NRG3: variants seen among roughly 807,000 people sequenced by gnomAD.
The protein encoded by NRG3 is pro-neuregulin-3, membrane-bound isoform.
NRG3 carries 31 observed loss-of-function variants against 66.9 expected under a neutral mutation model. The observed-to-expected ratio is 0.46, with a 90% CI of 0.35 to 0.63. NRG3 has a LOEUF of 0.63. Among genes scored for constraint, NRG3 ranks in the 20% least tolerant of loss-of-function variants. NRG3 has a pLI of 0.00. For missense variants in NRG3, 910 were observed against 878.9 expected (o/e 1.04, Z -0.45); for synonymous variants, 393 against 359.4 (o/e 1.09, Z -1.06).
chr10:82,642,919 G>A (rs1294201657), intron 2 of NRG3, among the ~76,000 whole-genome samples: 1 of 151,628 alleles, frequency 6.6e-6, no homozygotes, highest in African/African-American at 2.4e-5. Context: ...TATTTAAAAG[G>A]ATATTTGTCT....
intron 2 of NRG3, among the ~76,000 whole-genome samples, chr10:82,636,254 T>C (rs80089320): frequency 1.1e-4 from 16 of 152,016 alleles, no homozygotes; most frequent in African/African-American, 3.6e-4. Flanking sequence ...TGTGTGTGTG[T>C]GTGTGTAAAT....
intron 2 of NRG3, among the ~76,000 whole-genome samples, chr10:82,500,269 C>A (rs1844042415): frequency 6.6e-6 from 1 of 152,128 alleles, no homozygotes; most frequent in African/African-American, 2.4e-5. Context: ...TTAATGATTA[C>A]TGGCTCCATT....
intron 3 of NRG3, among the ~76,000 whole-genome samples, chr10:82,844,825 A>G (rs1184226341): frequency 6.6e-6 from 1 of 152,174 alleles, no homozygotes; most frequent in Non-Finnish European, 1.5e-5. Context: ...CTTTGCTTCT[A>G]TTTCTCAAAT....
intron 1 of NRG3, among the ~76,000 whole-genome samples, chr10:82,049,560 AAG>A (rs1418837785): frequency 3.3e-5 from 5 of 150,394 alleles, no homozygotes; most frequent in Admixed American, 6.6e-5. Context: ...ACTGTTCCCC[AAG>A]ACTTTATGTT....
Position 82,389,784 on chromosome 10 carries a change from A to G in NRG3, c.953+30916A>G, listed in dbSNP as rs2086232068. 2.6e-5 allele frequency among the ~76,000 whole-genome samples: 4 copies of G among 152,218 alleles called. No individual in the cohort carries two copies. The South Asian group carries it at 8.3e-4, about 32-fold the overall frequency. ...AAATAGATTCAAAAAAGTTTCCATT[A>G]TGTACCAGAACAATAGCTGGTCTTA... On this transcript the variant is annotated intron_variant, in intron 2 of 8. Transcript: ENST00000372141.
intron 2 of NRG3, among the ~76,000 whole-genome samples, chr10:82,377,520 C>T (rs748733698): frequency 1.1e-4 from 17 of 151,986 alleles, no homozygotes; most frequent in Non-Finnish European, 2.2e-4. Flanking sequence ...ACATAATACT[C>T]AAGTTCTGGG....
intron 2 of NRG3, among the ~76,000 whole-genome samples, chr10:82,734,007 C>T (rs1591353978): frequency 6.6e-6 from 1 of 152,206 alleles, no homozygotes; most frequent in African/African-American, 2.4e-5. Flanking sequence ...AAGTGAGTGA[C>T]CTGACCATTT....
chr10:82,973,124 G>A (rs1388949721), intron 6 of NRG3, among the ~76,000 whole-genome samples: 1 of 152,156 alleles, frequency 6.6e-6, no homozygotes, highest in Non-Finnish European at 1.5e-5. Context: ...TGGCTCTTGA[G>A]ATGCCATGTG....
rs185664297 is a variant in NRG3 at position 81,905,660 on chromosome 10, G to A, written c.823+29497G>A. On this transcript the variant is annotated intron_variant, in intron 1 of 8. Coordinates refer to ENST00000372141, the MANE Select transcript of NRG3 (RefSeq NM_001010848.4). ...TTGGTTCCTTCTGGAAGTTAAGGCC[G>A]TTTCCTACTCTGTTTTTACAGGCCA... Among the ~76,000 whole-genome samples the A allele has an allele frequency of 8.5e-5, 13 of 152,256 alleles. No homozygotes were observed. In the East Asian group the frequency reaches 1.4e-3, roughly 16 times the overall value.
At chr10:82,445,661 C>A (rs1246046955) in intron 2 of NRG3, among the ~76,000 whole-genome samples, 1 of 152,208 alleles carries the variant, frequency 6.6e-6, no homozygotes, top group Non-Finnish European at 1.5e-5. Flanking sequence ...ACTCAAACAG[C>A]AAGACTTACT....
At chr10:82,236,747 G>A (rs1281291617) in intron 1 of NRG3, among the ~76,000 whole-genome samples, 17 of 114,224 alleles carry the variant, frequency 1.5e-4, no homozygotes, top group Admixed American at 1.0e-3. Flanking sequence ...ACAGAGTCTC[G>A]CTCTGTTGCC....
chr10:81,995,070 C>A (rs554660209), intron 1 of NRG3, among the ~76,000 whole-genome samples: 2 of 152,180 alleles, frequency 1.3e-5, no homozygotes, highest in African/African-American at 4.8e-5. Context: ...CTTGATCCTG[C>A]TGAATGGAGC....
chr10:82,656,728 T>C (rs887889488), intron 2 of NRG3, among the ~76,000 whole-genome samples: 1 of 152,140 alleles, frequency 6.6e-6, no homozygotes, highest in African/African-American at 2.4e-5. Context: ...TGCTTCTCCA[T>C]CAGCAGTCAT....
intron 3 of NRG3, among the ~76,000 whole-genome samples, chr10:82,782,598 G>T (rs566111913): frequency 2.6e-5 from 4 of 152,058 alleles, no homozygotes; most frequent in Non-Finnish European, 4.4e-5. Flanking sequence ...CTTTGGAGTT[G>T]GGTAATGGCT....
chr10:82,545,926 G>C (rs1448332651), intron 2 of NRG3, among the ~76,000 whole-genome samples: 2 of 150,690 alleles, frequency 1.3e-5, no homozygotes, highest in South Asian at 2.1e-4. Context: ...TAGCTGGGAC[G>C]ACAGGCGCCG....
chr10:82,346,904 T>C (rs2083065227), intron 1 of NRG3, among the ~76,000 whole-genome samples: 1 of 152,104 alleles, frequency 6.6e-6, no homozygotes, highest in Non-Finnish European at 1.5e-5. Context: ...GTGGGATCGG[T>C]GGTGATATCC....
chr10:82,032,299 A>C (rs1398238301), intron 1 of NRG3, among the ~76,000 whole-genome samples: 1 of 152,082 alleles, frequency 6.6e-6, no homozygotes, highest in Non-Finnish European at 1.5e-5. Flanking sequence ...ATACTGAAGA[A>C]AACTTTGATT....
intron 2 of NRG3, among the ~76,000 whole-genome samples, chr10:82,407,206 G>A (rs1356904780): frequency 3.9e-5 from 6 of 151,996 alleles, no homozygotes; most frequent in Admixed American, 2.6e-4. Context: ...AGACATAAAT[G>A]AGACACAGAA....
chr10:82,015,891 G>A lies in NRG3; in HGVS notation c.823+139728G>A, dbSNP rs1468381772. On this transcript the variant is annotated intron_variant, in intron 1 of 8. Transcript: ENST00000372141. Reference sequence around the variant, plus strand: ...TAGAAGTTATAGTGTATTAAAAATAGCACATGTAAAATGATGAACATGAAG... The same window carrying A: ...TAGAAGTTATAGTGTATTAAAAATAACACATGTAAAATGATGAACATGAAG... Among the ~76,000 whole-genome samples, 6 of 151,500 alleles carry A rather than the reference G, an allele frequency of 4.0e-5. No individual in the cohort carries two copies. In the East Asian group the frequency reaches 1.2e-3, roughly 29 times the overall value.
Sources: allele counts gnomAD v4.1 joint callset (sites outside exome capture counted in the v4.1 genomes callset), GRCh38; gene constraint gnomAD v4.1.1; transcripts MANE v1.5; gene names NCBI Gene and HGNC (gene_info 2026-07-23, HGNC 2026-07-21).